VDAC1: variants seen among roughly 807,000 people sequenced by gnomAD.
VDAC1 encodes the protein non-selective voltage-gated ion channel VDAC1.
A neutral mutation model predicts 34.7 loss-of-function variants in VDAC1; 10 were observed. The ratio of observed to expected loss-of-function variants is 0.29; its 90% CI spans 0.18 to 0.49. The LOEUF (loss-of-function observed/expected upper bound fraction) is 0.49, where lower values mean the gene tolerates loss of function less well. VDAC1 is among the 20% of genes least tolerant of loss of function. The pLI, the probability that VDAC1 is intolerant of heterozygous loss-of-function variation, is 0.99. For synonymous variants in VDAC1, 130 were observed against 136.0 expected, an observed-to-expected ratio of 0.96 and a Z score of 0.30; for missense variants, 230 against 347.9, an observed-to-expected ratio of 0.66 and a Z score of 2.69.
At chr5:134,105,525 G>A in the VDAC1 span, among the ~76,000 whole-genome samples, 1 of 152,254 alleles carries the variant, frequency 6.6e-6, no homozygotes, top group Non-Finnish European at 1.5e-5. Flanking sequence ...CGCTACATGA[G>A]TGTTCCCAGT....
chr5:134,042,727 C>A, the VDAC1 span, among the ~76,000 whole-genome samples: 1 of 152,198 alleles, frequency 6.6e-6, no homozygotes, highest in South Asian at 2.1e-4. Context: ...CCTCAAGTGA[C>A]CCGCCTGCTT....
At chr5:134,112,427 T>A in the VDAC1 span, among the ~76,000 whole-genome samples, 1 of 152,178 alleles carries the variant, frequency 6.6e-6, no homozygotes, top group South Asian at 2.1e-4. Context: ...CTGATTTCAG[T>A]GTGGCTGTGG....
At chr5:134,013,241 C>G in the VDAC1 span, among the ~76,000 whole-genome samples, 1 of 152,148 alleles carries the variant, frequency 6.6e-6, no homozygotes, top group Non-Finnish European at 1.5e-5. Context: ...CAAAAATCAG[C>G]CTGAACAACA....
At chr5:134,105,858 A>G in the VDAC1 span, among the ~76,000 whole-genome samples, 3 of 152,242 alleles carry the variant, frequency 2.0e-5, no homozygotes, top group Admixed American at 1.3e-4. Context: ...CCCTCTTTCT[A>G]GGACCCCATG....
chr5:134,092,092 G>A, the VDAC1 span, among the ~76,000 whole-genome samples: 5 of 152,186 alleles, frequency 3.3e-5, no homozygotes, highest in East Asian at 9.6e-4. Flanking sequence ...AAAACCAGAT[G>A]AGGAACCAAG....
chr5:134,087,886 A>T, the VDAC1 span, among the ~76,000 whole-genome samples: 7 of 150,334 alleles, frequency 4.7e-5, no homozygotes, highest in African/African-American at 1.5e-4. Context: ...ACGTTGGTTC[A>T]CGCCTGTAAT....
At chr5:134,019,027 C>G in the VDAC1 span, among the ~76,000 whole-genome samples, 1 of 152,110 alleles carries the variant, frequency 6.6e-6, no homozygotes, top group Admixed American at 6.5e-5. Flanking sequence ...CCATGCATCT[C>G]GCATCTCCCC....
chr5:134,079,856 C>T, the VDAC1 span, among the ~76,000 whole-genome samples: 1 of 152,230 alleles, frequency 6.6e-6, no homozygotes, highest in Non-Finnish European at 1.5e-5. Flanking sequence ...CATGAGGGAG[C>T]TCAGAGGCCA....
the VDAC1 span, among the ~76,000 whole-genome samples, chr5:134,031,480 A>G: frequency 6.6e-6 from 1 of 152,224 alleles, no homozygotes; most frequent in Non-Finnish European, 1.5e-5. Flanking sequence ...AAGTCTGTTT[A>G]TAAGAGGGAG....
intron 2 of VDAC1, 127 bp from the exon 3 acceptor site, chr5:133,992,482 A>C: frequency 1.7e-6 from 1 of 590,870 alleles, no homozygotes; most frequent in Non-Finnish European, 2.7e-6. Context: ...GGCTGAGGGC[A>C]CCCAGTCTCT....
chr5:134,055,885 G>C, the VDAC1 span, among the ~76,000 whole-genome samples: 1 of 151,584 alleles, frequency 6.6e-6, no homozygotes, highest in African/African-American at 2.4e-5. Flanking sequence ...TCCTATGGGC[G>C]TGCAAGCACA....
At chr5:134,102,339 C>CT in the VDAC1 span, among the ~76,000 whole-genome samples, 2,349 of 151,806 alleles carry the variant, frequency 0.015, 57 homozygotes, top group African/African-American at 0.053. Flanking sequence ...CCTCTACCCC[C>CT]CCCACCCCAA....
In VDAC1 at chr5:133,974,303, C is replaced by T. The variant is rs1182023381; in HGVS notation, c.703-455G>A. On this transcript the variant is annotated intron_variant, in intron 7 of 8. Transcript: ENST00000265333. Reference sequence around the variant, plus strand: ...CCAAAGAGATACAGCCGCCAGTGCCCTGTGACAACAGAAATGAGCCCAATA... The same window carrying T: ...CCAAAGAGATACAGCCGCCAGTGCCTTGTGACAACAGAAATGAGCCCAATA... Among the ~76,000 whole-genome samples the T allele has an allele frequency of 2.0e-5, 3 of 152,310 alleles. No individual in the cohort carries two copies. The East Asian group carries it at 5.8e-4, about 29-fold the overall frequency.
At chr5:134,055,588 G>GA in the VDAC1 span, among the ~76,000 whole-genome samples, 1 of 59,626 alleles carries the variant, frequency 1.7e-5, no homozygotes, top group African/African-American at 7.2e-5. Flanking sequence ...CCCCGCTAAT[G>GA]TTTTTTTTTT....
At chr5:133,980,486 C>A (rs1185889603) in intron 6 of VDAC1, among the ~76,000 whole-genome samples, 1 of 152,064 alleles carries the variant, frequency 6.6e-6, no homozygotes, top group African/African-American at 2.4e-5. Context: ...ACTTTGTGTA[C>A]CTGTGGCAAT....
the VDAC1 span, among the ~76,000 whole-genome samples, chr5:134,087,607 C>A: frequency 6.6e-6 from 1 of 152,226 alleles, no homozygotes; most frequent in Non-Finnish European, 1.5e-5. Flanking sequence ...GTAATCCCAG[C>A]ACTTTGGGAG....
chr5:134,001,180 C>G (rs748627649), intron 1 of VDAC1, among the ~76,000 whole-genome samples: 3 of 152,210 alleles, frequency 2.0e-5, no homozygotes, highest in Admixed American at 1.3e-4. Context: ...TGGAGTGCAA[C>G]TGCAATGTGA....
At chr5:134,080,553 C>CAGTACCACGGGCAGGTTAAGTCACA in the VDAC1 span, among the ~76,000 whole-genome samples, 1 of 43,568 alleles carries the variant, frequency 2.3e-5, no homozygotes. Context: ...GTTAAGTCAC[C>CAGTACCACGGGCAGGTTAAGTCACA]GAGGTACCAT....
chr5:134,062,201 G>A, the VDAC1 span, among the ~76,000 whole-genome samples: 3 of 151,448 alleles, frequency 2.0e-5, no homozygotes, highest in African/African-American at 7.3e-5. Context: ...TGGCTAGGAT[G>A]GTCTTGATCT....
Sources: gnomAD v4.1 joint callset for allele counts (sites outside exome capture counted in the v4.1 genomes callset) on GRCh38, gnomAD v4.1.1 for gene constraint, MANE v1.5 for transcripts, NCBI Gene and HGNC (gene_info 2026-07-23, HGNC 2026-07-21) for gene names.